Variants in ALK observed in about 807,000 individuals in gnomAD.
ALK encodes the protein ALK receptor tyrosine kinase, also known as ALK tyrosine kinase receptor.
A neutral mutation model predicts 163.1 loss-of-function variants in ALK; 74 were observed. The ratio of observed to expected loss-of-function variants is 0.45; its 90% CI spans 0.38 to 0.55. ALK has a LOEUF of 0.55. Among genes scored for constraint, ALK ranks in the 20% least tolerant of loss-of-function variants. ALK has a pLI of 0.00. For missense variants in ALK, 2,063 were observed against 2,105.3 expected, an observed-to-expected ratio of 0.98 and a Z score of 0.39; for synonymous variants, 960 against 843.2, an observed-to-expected ratio of 1.14 and a Z score of -2.40.
intron 4 of ALK, among the ~76,000 whole-genome samples, chr2:29,416,981 T>G (rs1044531922): frequency 3.5e-5 from 2 of 57,586 alleles, no homozygotes; most frequent in Non-Finnish European, 9.5e-5. Flanking sequence ...GTTTGATGCT[T>G]TTTTTTTTTT....
intron 3 of ALK, among the ~76,000 whole-genome samples, chr2:29,612,713 AG>A (rs894097146): frequency 6.6e-6 from 1 of 152,094 alleles, no homozygotes; most frequent in African/African-American, 2.4e-5. Context: ...TAGCTCATGA[AG>A]GGGGTGCTGG....
At chr2:29,710,769 C>A (rs1226629588) in intron 2 of ALK, among the ~76,000 whole-genome samples, 1 of 152,134 alleles carries the variant, frequency 6.6e-6, no homozygotes, top group East Asian at 1.9e-4. Context: ...GCTTGGCCTT[C>A]CAAATTGCTG....
chr2:29,290,721 G>A (rs763161553), intron 9 of ALK, among the ~76,000 whole-genome samples: 54 of 152,308 alleles, frequency 3.5e-4, no homozygotes, highest in Admixed American at 7.2e-4. Context: ...GGTTAGACTT[G>A]GTACATGAAT....
chr2:29,213,636 G>A (rs1280113749), intron 24 of ALK, among the ~76,000 whole-genome samples: 2 of 152,264 alleles, frequency 1.3e-5, no homozygotes, highest in Admixed American at 6.5e-5. Flanking sequence ...TATGACACTT[G>A]TTTTATGTAA....
chr2:29,360,669 AG>A (rs1318606957), intron 5 of ALK, among the ~76,000 whole-genome samples: 1 of 152,234 alleles, frequency 6.6e-6, no homozygotes, highest in African/African-American at 2.4e-5. Context: ...CAGATATGAC[AG>A]GAGCACAAAT....
chr2:29,857,852 T>C (rs1051068707), intron 1 of ALK, among the ~76,000 whole-genome samples: 22 of 152,344 alleles, frequency 1.4e-4, no homozygotes, highest in African/African-American at 5.3e-4. Flanking sequence ...TGTTAAACTT[T>C]TTATCTTGAG....
chr2:29,256,631 TC>T (rs1664955564), intron 11 of ALK, among the ~76,000 whole-genome samples: 1 of 151,238 alleles, frequency 6.6e-6, no homozygotes, highest in African/African-American at 2.4e-5. Context: ...TCTTTTGAAA[TC>T]CCTGAGCCTG....
intron 23 of ALK, among the ~76,000 whole-genome samples, chr2:29,215,789 C>T (rs11885445): frequency 0.25 from 37,352 of 152,206 alleles, 5,931 homozygotes; most frequent in South Asian, 0.36. Context: ...AGTGGCCCAT[C>T]GAGCTGACCC....
At chr2:29,569,199 G>A (rs192425145) in intron 3 of ALK, among the ~76,000 whole-genome samples, 26 of 152,228 alleles carry the variant, frequency 1.7e-4, no homozygotes, top group East Asian at 9.7e-4. Context: ...CATCCTGCCC[G>A]TCTCAAGGAA....
At chr2:29,256,787 C>T (rs376937214) in intron 11 of ALK, among the ~76,000 whole-genome samples, 4 of 152,014 alleles carry the variant, frequency 2.6e-5, no homozygotes, top group East Asian at 1.9e-4. Context: ...CAGTGGCCCC[C>T]GCAGTCGCTT....
chr2:29,776,002 A>G (rs567598459), intron 1 of ALK, among the ~76,000 whole-genome samples: 1 of 152,206 alleles, frequency 6.6e-6, no homozygotes, highest in Admixed American at 6.5e-5. Context: ...TGATGGAGAG[A>G]GACTTTTCTG....
intron 1 of ALK, among the ~76,000 whole-genome samples, chr2:29,833,349 GC>G (rs1665472067): frequency 6.6e-6 from 1 of 152,192 alleles, no homozygotes; most frequent in African/African-American, 2.4e-5. Flanking sequence ...TCCGGGCTTG[GC>G]CCTGAACCTG....
At chr2:29,225,772 T>C (rs892881934) in intron 18 of ALK, among the ~76,000 whole-genome samples, 1 of 151,886 alleles carries the variant, frequency 6.6e-6, no homozygotes, top group Non-Finnish European at 1.5e-5. Flanking sequence ...AGCTTTTGGG[T>C]GAAGGGAAAT....
intron 5 of ALK, among the ~76,000 whole-genome samples, chr2:29,346,061 A>G (rs186712908): frequency 6.6e-6 from 1 of 152,318 alleles, no homozygotes; most frequent in East Asian, 1.9e-4. Context: ...TTTACAATCA[A>G]AAAAAGGAAG....
intron 13 of ALK, among the ~76,000 whole-genome samples, chr2:29,237,832 T>C (rs1664422284): frequency 6.6e-6 from 1 of 152,162 alleles, no homozygotes; most frequent in Non-Finnish European, 1.5e-5. Context: ...GGGCTGTTAC[T>C]GGCACCAAGT....
chr2:29,618,565 C>T (rs1675926481), intron 3 of ALK, among the ~76,000 whole-genome samples: 1 of 152,086 alleles, frequency 6.6e-6, no homozygotes, highest in African/African-American at 2.4e-5. Context: ...TCCACACCCC[C>T]ATTTTTAGGA....
intron 5 of ALK, among the ~76,000 whole-genome samples, chr2:29,355,082 T>C (rs1668215209): frequency 6.6e-6 from 1 of 152,190 alleles, no homozygotes; most frequent in African/African-American, 2.4e-5. Context: ...CTTTTCTTTG[T>C]GACAAGAATG....
At chr2:29,743,563 C>T (rs775757484) in intron 1 of ALK, among the ~76,000 whole-genome samples, 3 of 152,218 alleles carry the variant, frequency 2.0e-5, no homozygotes, top group Non-Finnish European at 4.4e-5. Context: ...CCCCTGAGGA[C>T]GGATTCCTGT....
intron 1 of ALK, among the ~76,000 whole-genome samples, chr2:29,755,035 C>T (rs1193878472): frequency 2.6e-5 from 4 of 151,698 alleles, no homozygotes; most frequent in African/African-American, 9.7e-5. Context: ...GCTTGGTTGC[C>T]TGTGAAGGAA....
Sources: allele counts gnomAD v4.1 joint callset (sites outside exome capture counted in the v4.1 genomes callset), GRCh38; gene constraint gnomAD v4.1.1; transcripts MANE v1.5; gene names NCBI Gene and HGNC (gene_info 2026-07-23, HGNC 2026-07-21).